MIB1: variants seen among roughly 807,000 people sequenced by gnomAD.
The protein encoded by MIB1 is MIB E3 ubiquitin protein ligase 1.
MIB1 carries 278 observed loss-of-function variants against 124.5 expected under a neutral mutation model. The ratio of observed to expected loss-of-function variants is 2.23; its 90% confidence interval spans 2.02 to 2.47. MIB1 has a LOEUF of 2.47. Ranked by LOEUF, MIB1 falls within the 30% of genes most tolerant of loss-of-function variation. The pLI is 0.00. For synonymous variants in MIB1, 446 were observed against 429.4 expected (o/e 1.04, Z -0.48); for missense variants, 957 against 1,254.4 (o/e 0.76, Z 3.58).
At chr18:21,820,345 G>T (rs2041867586) in intron 12 of MIB1, among the ~76,000 whole-genome samples, 1 of 152,082 alleles carries the variant, frequency 6.6e-6, no homozygotes, top group African/African-American at 2.4e-5. Context: ...TGTATACCTG[G>T]ACTAAGAAAA....
intron 1 of MIB1, among the ~76,000 whole-genome samples, chr18:21,755,094 TA>T (rs200891186): frequency 0.026 from 3,892 of 152,170 alleles, 179 homozygotes; most frequent in African/African-American, 0.087. Context: ...TCCCCACTTC[TA>T]GGGGTGGTGT....
chr18:21,835,057 A>G (rs2042014120), intron 12 of MIB1, among the ~76,000 whole-genome samples: 1 of 152,198 alleles, frequency 6.6e-6, no homozygotes, highest in South Asian at 2.1e-4. Context: ...CCCTTGCATT[A>G]GTTTTGATTT....
chr18:21,798,483 A>G (rs1424340638), intron 8 of MIB1, among the ~76,000 whole-genome samples: 4 of 152,114 alleles, frequency 2.6e-5, no homozygotes, highest in Non-Finnish European at 5.9e-5. Context: ...TTTCTTGGGC[A>G]TATCAGGGGA....
intron 12 of MIB1, among the ~76,000 whole-genome samples, chr18:21,824,091 G>A (rs1047145150): frequency 2.6e-5 from 4 of 152,098 alleles, no homozygotes; most frequent in African/African-American, 9.7e-5. Flanking sequence ...AGGTATTTTG[G>A]AAGTACAGGT....
intron 20 of MIB1, among the ~76,000 whole-genome samples, chr18:21,862,526 G>A (rs1015366506): frequency 6.6e-6 from 1 of 152,092 alleles, no homozygotes; most frequent in African/African-American, 2.4e-5. Context: ...TAGTATTTCA[G>A]ACATATACCT....
intron 15 of MIB1, among the ~76,000 whole-genome samples, chr18:21,846,388 A>G (rs979892434): frequency 2.6e-5 from 4 of 152,224 alleles, no homozygotes; most frequent in Non-Finnish European, 4.4e-5. Flanking sequence ...TAGACACTCA[A>G]TAAATGTTAA....
intron 1 of MIB1, among the ~76,000 whole-genome samples, chr18:21,710,767 C>G (rs2040661956): frequency 6.6e-6 from 1 of 150,808 alleles, no homozygotes; most frequent in Non-Finnish European, 1.5e-5. Context: ...TAAGGCCTTT[C>G]TATTCAGGCC....
At chr18:21,801,427 A>G (rs1015694311) in intron 9 of MIB1, among the ~76,000 whole-genome samples, 3 of 152,142 alleles carry the variant, frequency 2.0e-5, no homozygotes, top group Non-Finnish European at 2.9e-5. Context: ...GCTGTGGAGT[A>G]TATTAGATTA....
chr18:21,786,199 C>G (rs1272381953), intron 6 of MIB1, among the ~76,000 whole-genome samples: 1 of 152,010 alleles, frequency 6.6e-6, no homozygotes, highest in Non-Finnish European at 1.5e-5. Context: ...TGGGTTCACA[C>G]CATTCTCCTG....
At chr18:21,774,645 C>T (rs942277627) in intron 4 of MIB1, among the ~76,000 whole-genome samples, 4 of 151,988 alleles carry the variant, frequency 2.6e-5, no homozygotes, top group Non-Finnish European at 5.9e-5. Context: ...TAAATAAATG[C>T]CAAAATATTA....
chr18:21,836,304 C>A (rs1473645895), intron 12 of MIB1, among the ~76,000 whole-genome samples: 1 of 146,100 alleles, frequency 6.8e-6, no homozygotes, highest in African/African-American at 2.5e-5. Flanking sequence ...GATGGAGTCT[C>A]GCTCAGTCGC....
chr18:21,768,548 A>T (rs2041190071), intron 2 of MIB1, 75 bp from the exon 3 acceptor site: 1 of 1,073,004 alleles, frequency 9.3e-7, no homozygotes, highest in Non-Finnish European at 1.3e-6. Context: ...TAACATTTTT[A>T]TAATTTTGTT....
chr18:21,855,458 A>G (rs572882212), intron 18 of MIB1, among the ~76,000 whole-genome samples: 1 of 152,390 alleles, frequency 6.6e-6, no homozygotes, highest in Admixed American at 6.5e-5. Context: ...TTAATTTTAG[A>G]TAATTGTGTT....
At chr18:21,849,424 T>C in intron 17 of MIB1, 36 bp downstream of exon 17, 3 of 1,279,514 alleles carry the variant, frequency 2.3e-6, no homozygotes, top group Non-Finnish European at 2.1e-6. Context: ...TGTCATTTTA[T>C]GAAGTTGAGA....
chr18:21,751,861 G>A (rs971579762), intron 1 of MIB1, among the ~76,000 whole-genome samples: 1 of 152,096 alleles, frequency 6.6e-6, no homozygotes, highest in Non-Finnish European at 1.5e-5. Context: ...CTGCCTCCTT[G>A]TTCTAGCATT....
chr18:21,709,871 C>T (rs563833877), intron 1 of MIB1, among the ~76,000 whole-genome samples: 8 of 152,254 alleles, frequency 5.3e-5, no homozygotes, highest in South Asian at 4.1e-4. Flanking sequence ...TTGTATAGGA[C>T]GATTGAACTG....
chr18:21,786,047 C>G (rs1018261094), intron 6 of MIB1, among the ~76,000 whole-genome samples: 1 of 151,102 alleles, frequency 6.6e-6, no homozygotes, highest in Non-Finnish European at 1.5e-5. Context: ...CTTACTTTGT[C>G]TTTGACCTTT....
At chr18:21,770,610 G>A (rs930637974) in intron 3 of MIB1, among the ~76,000 whole-genome samples, 3 of 151,942 alleles carry the variant, frequency 2.0e-5, no homozygotes, top group Admixed American at 6.5e-5. Context: ...ATGAGCCACC[G>A]CGCCCAGCCT....
chr18:21,734,470 CTCTCTCTT>C (rs1284669501), intron 1 of MIB1, among the ~76,000 whole-genome samples: 1 of 95,022 alleles, frequency 1.1e-5, no homozygotes, highest in Non-Finnish European at 2.0e-5. Flanking sequence ...TTCTTTCTCT[CTCTCTCTT>C]TCTCTCTCTC....
Sources: gnomAD v4.1 joint callset for allele counts (sites outside exome capture counted in the v4.1 genomes callset) on GRCh38, gnomAD v4.1.1 for gene constraint, MANE v1.5 for transcripts, NCBI Gene and HGNC (gene_info 2026-07-23, HGNC 2026-07-21) for gene names.